Variants in NIBAN3 observed in about 807,000 individuals in gnomAD.
NIBAN3 encodes the protein niban apoptosis regulator 3, also known as protein Niban 3.
In NIBAN3, 66 loss-of-function variants were observed where a neutral mutation model predicts 76.4. The ratio of observed to expected loss-of-function variants is 0.86; its 90% CI spans 0.71 to 1.06. The LOEUF (loss-of-function observed/expected upper bound fraction) is 1.06. Ranked by LOEUF, NIBAN3 falls within the 50% of genes least tolerant of loss-of-function variation. NIBAN3 has a pLI of 0.00. For synonymous variants in NIBAN3, 360 were observed against 355.2 expected, an observed-to-expected ratio of 1.01 and a Z score of -0.15; for missense variants, 808 against 810.7, an observed-to-expected ratio of 1.00 and a Z score of 0.04.
chr19:17,526,401 G>C (rs2075608750), upstream of NIBAN3, among the ~76,000 whole-genome samples: 1 of 151,936 alleles, frequency 6.6e-6, no homozygotes, highest in Non-Finnish European at 1.5e-5. Flanking sequence ...CTAACATTTT[G>C]GGAGGCCGAG....
intron 3 of NIBAN3, among the ~76,000 whole-genome samples, chr19:17,532,960 G>A (rs916372772): frequency 6.6e-6 from 1 of 151,902 alleles, no homozygotes; most frequent in East Asian, 1.9e-4. Flanking sequence ...GATGGATGGA[G>A]GGAGAGAGGA....
rs1599732816 is a variant in NIBAN3 at position 17,539,198 on chromosome 19, T to C, written c.644T>C (p.Val215Ala). ...APAARAFLDAVRLYRQHQGHF... is the reference protein window; with the variant it reads ...APAARAFLDAARLYRQHQGHF... Reference sequence around the variant, plus strand: ...GCTGCCCGGGCCTTCCTGGACGCCGTCCGACTCTACCGGCAGCACCAAGGC... The same window carrying C: ...GCTGCCCGGGCCTTCCTGGACGCCGCCCGACTCTACCGGCAGCACCAAGGC... Residue 215 changes from valine (V) to alanine (A), a missense_variant, in exon 6 of 15, where the codon GTC becomes GCC. Physicochemically the swap from Val to Ala is moderately conservative, Grantham distance 64. Transcript: ENST00000599164. 1 of 1,606,586 alleles carries C rather than the reference T, an allele frequency of 6.2e-7. No homozygotes were observed. The highest frequency in any genetic ancestry group is 1.7e-5 in the Admixed American group (1 of 59,324).
intron 4 of NIBAN3, among the ~76,000 whole-genome samples, chr19:17,534,080 G>A (rs547072139): frequency 6.6e-6 from 1 of 152,300 alleles, no homozygotes; most frequent in East Asian, 1.9e-4. Flanking sequence ...TCTCATGCCT[G>A]TAGTCCCAGC....
At chr19:17,555,419 G>A (rs1235086479), downstream of NIBAN3, among the ~76,000 whole-genome samples, 4 of 152,214 alleles carry the variant, frequency 2.6e-5, no homozygotes, top group African/African-American at 9.6e-5. Flanking sequence ...GGTAGGAGGC[G>A]CCTGGAGGAA....
Position 17,553,616 on chromosome 19 carries a change from A to G in NIBAN3, c.*1718A>G. On this transcript the variant is annotated 3_prime_UTR_variant, in exon 15 of 15. Coordinates refer to ENST00000599164, the MANE Select transcript of NIBAN3 (RefSeq NM_001321827.2). ...CCTCCAACCCCACCTTCCGAAATAC[A>G]TTTGCTCAATACATTTGCACTTCAT... 1 of 1,480,440 alleles carries G rather than the reference A, an allele frequency of 6.8e-7. No homozygotes were observed. Among genetic ancestry groups the G allele is most frequent in the Non-Finnish European group, 9.4e-7 (1 of 1,060,594 alleles). The allele number at this position is 1,480,440 out of a possible 1,614,324, so 91.7% of individuals were successfully genotyped here. A position where few individuals can be genotyped will look rare whatever the true frequency, so the allele number is the denominator to read the frequency against.
chr19:17,529,019 A>G (rs1008818132), intron 1 of NIBAN3, among the ~76,000 whole-genome samples: 1 of 152,212 alleles, frequency 6.6e-6, no homozygotes, highest in African/African-American at 2.4e-5. Context: ...AGATACCAGA[A>G]GAGCATTTTG....
In NIBAN3 at chr19:17,553,142, A is replaced by T; in HGVS notation, c.*1244A>T. On this transcript the variant is annotated 3_prime_UTR_variant, in exon 15 of 15. Coordinates refer to ENST00000599164, the MANE Select transcript of NIBAN3 (RefSeq NM_001321827.2). ...TTGTAGTTTTTTTTTTTTTAATTTC[A>T]GTGAATTGCCTGTTCATAGCTTTTT... 1 of 935,356 alleles carries T rather than the reference A, an allele frequency of 1.1e-6. No homozygotes were observed. Among genetic ancestry groups the T allele is most frequent in the Non-Finnish European group, 1.5e-6 (1 of 657,434 alleles). The allele number at this position is 935,356 out of a possible 1,614,324, so 57.9% of individuals were successfully genotyped here.
At chr19:17,550,866 T>TTC (rs1307878653) in intron 14 of NIBAN3, among the ~76,000 whole-genome samples, 5 of 138,930 alleles carry the variant, frequency 3.6e-5, no homozygotes, top group Non-Finnish European at 7.7e-5. Context: ...TTTTTTTTTT[T>TTC]CAAATGCAGG....
At position 17,543,631 on chromosome 19, in the gene NIBAN3, G is replaced by T. The variant is rs1164908168; in HGVS notation, c.1554G>T (p.Lys518Asn). ...GCCAACTCGAGCCAGGCTGCAAAAA[G>T]GTGAGTTAATGGGAAGTGTGCAAGA... is the stretch of plus-strand genomic sequence containing the variant. ...VLSQLEPGCK[K>N]ELPEFEGDVL... Residue 518 changes from lysine to asparagine, a missense_variant and splice_region_variant, in exon 12 of 15, where the codon AAG becomes AAT. Physicochemically the swap from Lys to Asn is moderately conservative, Grantham distance 94 (BLOSUM62 0). Coordinates refer to ENST00000599164, the MANE Select transcript of NIBAN3 (RefSeq NM_001321827.2). The T allele has an allele frequency of 6.2e-7, 1 of 1,611,702 alleles. No homozygotes were observed. Among genetic ancestry groups the T allele is most frequent in the East Asian group, 2.2e-5 (1 of 44,846 alleles).
At position 17,539,381 on chromosome 19, in the gene NIBAN3, C is replaced by T; in HGVS notation, c.746C>T (p.Pro249Leu). 2 of 1,541,724 alleles carry T rather than the reference C, an allele frequency of 1.3e-6. No homozygotes were observed. The highest frequency in any genetic ancestry group is 1.7e-6 in the Non-Finnish European group (2 of 1,146,242). ...GCGGTGCTGATGCGGGAGCAACTTC[C>T]CGCGCTGCGAGCCCAGACCCTTCCT... is the stretch of plus-strand genomic sequence containing the variant. Reference protein sequence around the residue: ...LTAVLMREQLPALRAQTLPGL... With the variant: ...LTAVLMREQLLALRAQTLPGL... Residue 249 changes from proline to leucine, a missense_variant, in exon 7 of 15, where the codon CCC (proline) becomes CTC (leucine). Physicochemically the swap from Pro to Leu is moderately conservative, Grantham distance 98 (BLOSUM62 -3). Coordinates refer to ENST00000599164, the MANE Select transcript of NIBAN3 (RefSeq NM_001321827.2).
At chr19:17,544,944 G>A (rs956565751) in intron 12 of NIBAN3, among the ~76,000 whole-genome samples, 8 of 152,228 alleles carry the variant, frequency 5.3e-5, no homozygotes, top group African/African-American at 7.2e-5. Context: ...GAGGCCAGGC[G>A]TGGTGGCACA....
Position 17,542,301 on chromosome 19 carries a change from G to A in NIBAN3, c.1329+7G>A. 6.3e-7 allele frequency: 1 copy of A among 1,598,372 alleles called. No individual in the cohort carries two copies. Among genetic ancestry groups the A allele is most frequent in the Non-Finnish European group, 8.5e-7 (1 of 1,172,136 alleles). On this transcript the variant is annotated splice_region_variant and intron_variant, in intron 10 of 14. Coordinates refer to ENST00000599164, the MANE Select transcript of NIBAN3 (RefSeq NM_001321827.2). The surrounding 1 kb of genome is among the most constrained non-coding windows in gnomAD (Gnocchi z 4.8). Reference sequence around the variant, plus strand: ...CCAAGATCTTGCACAGCAGGTGAGGGTGAGAGGAGGCTGGGATGAGGCCAG... The same window carrying A: ...CCAAGATCTTGCACAGCAGGTGAGGATGAGAGGAGGCTGGGATGAGGCCAG...
At chr19:17,539,547 GA>G (rs1298657160) in intron 7 of NIBAN3, 55 bp from the exon 8 acceptor site, 2 of 1,478,088 alleles carry the variant, frequency 1.4e-6, no homozygotes, top group African/African-American at 2.8e-5. Context: ...CGATCTCTCT[GA>G]CCCCCATCCC....
At chr19:17,539,992 AGTCT>A (rs2075913857) in intron 8 of NIBAN3, among the ~76,000 whole-genome samples, 1 of 150,444 alleles carries the variant, frequency 6.6e-6, no homozygotes, top group Non-Finnish European at 1.5e-5. Flanking sequence ...CGGGGCCTAG[AGTCT>A]GTCCGGAGGA....
upstream of NIBAN3, among the ~76,000 whole-genome samples, chr19:17,526,238 G>C (rs1458364126): frequency 1.3e-5 from 2 of 150,812 alleles, no homozygotes; most frequent in South Asian, 2.1e-4. Context: ...ACTTGAACCC[G>C]GGAGGTGGAG....
Position 17,546,761 on chromosome 19 carries a change from G to A in NIBAN3, c.1630G>A (p.Val544Ile), listed in dbSNP as rs374460967. 2.1e-4 allele frequency: 333 copies of A among 1,604,714 alleles called. 1 individual carries two copies. The highest frequency in any genetic ancestry group is 2.7e-4 in the Non-Finnish European group (321 of 1,176,536). The stretch of plus-strand genomic sequence containing the variant: ...GACCACTGAGGGCATCTATGAGGAC[G>A]TCATCCGGGGGTGCTTGCTGCAGAG... ...ALTTEGIYED[V>I]IRGCLLQRID... The change falls in exon 13 of 15, where the codon GTC (valine) becomes ATC (isoleucine). Residue 544 changes from valine to isoleucine, a missense_variant. Transcript: ENST00000599164.
intron 1 of NIBAN3, 64 bp from the exon 2 acceptor site, chr19:17,530,691 C>A: frequency 1.3e-6 from 2 of 1,505,490 alleles, no homozygotes; most frequent in Non-Finnish European, 1.8e-6. Context: ...CTGTTTTGCC[C>A]TCCCCAAGCA....
Position 17,539,158 on chromosome 19 carries a change from C to G in NIBAN3, c.604C>G (p.Arg202Gly), listed in dbSNP as rs769018321. 8 of 1,589,866 alleles carry G rather than the reference C, an allele frequency of 5.0e-6. No individual in the cohort carries two copies. The highest frequency in any genetic ancestry group is 1.1e-5 in the South Asian group (1 of 87,850). ...GIRLQGIVLQ[R>G]SQAPAARAFL... is the part of the protein sequence containing the mutation. Reference sequence around the variant, plus strand: ...GGAGCAGCCCCTCTCAGTCCTGCAGCGAAGCCAGGCCCCTGCTGCCCGGGC... The same window carrying G: ...GGAGCAGCCCCTCTCAGTCCTGCAGGGAAGCCAGGCCCCTGCTGCCCGGGC... The change falls in exon 6 of 15, where the codon CGA (arginine) becomes GGA (glycine). Residue 202 changes from arginine (R) to glycine (G), a missense_variant. Physicochemically the swap from Arg to Gly is moderately radical, Grantham distance 125 (BLOSUM62 -2). Transcript: ENST00000599164.
Position 17,553,322 on chromosome 19 carries a change from T to C in NIBAN3, c.*1424T>C, listed in dbSNP as rs2076183954. 6.2e-7 allele frequency: 1 copy of C among 1,613,474 alleles called. No homozygotes were observed. Among genetic ancestry groups the C allele is most frequent in the Non-Finnish European group, 8.5e-7 (1 of 1,179,614 alleles). On this transcript the variant is annotated 3_prime_UTR_variant, in exon 15 of 15. Transcript: ENST00000599164. ...TGGGTTTGTTTCCTAGCTCCAAATC[T>C]TAACTTGGTGTCAAGTTTCCTGGCT...
Sources: allele counts gnomAD v4.1 joint callset (sites outside exome capture counted in the v4.1 genomes callset), GRCh38; gene constraint gnomAD v4.1.1; non-coding constraint Gnocchi (gnomAD v3.1); transcripts MANE v1.5; gene names NCBI Gene and HGNC (gene_info 2026-07-23, HGNC 2026-07-21).